Variants in NSL1 observed in about 807,000 individuals in gnomAD.
NSL1 encodes kinetochore-associated protein NSL1 homolog.
In NSL1, 11 loss-of-function variants were observed where a neutral mutation model predicts 25.4. The ratio of observed to expected loss-of-function variants is 0.43; its 90% CI spans 0.27 to 0.72. The LOEUF is 0.72. Among genes scored for constraint, NSL1 ranks in the 30% least tolerant of loss-of-function variants. The pLI is 0.19. For synonymous variants in NSL1, 118 were observed against 120.6 expected, an observed-to-expected ratio of 0.98 and a Z score of 0.14; for missense variants, 330 against 342.7, an observed-to-expected ratio of 0.96 and a Z score of 0.29.
chr1:212,781,853 T>C (rs900753280), intron 4 of NSL1: 2 of 194,208 alleles, frequency 1.0e-5, no homozygotes, highest in South Asian at 8.6e-5. Context: ...AATTTGTTTG[T>C]GTCAAGTTTA....
At chr1:212,758,789 T>C (rs561129319) in intron 4 of NSL1, among the ~76,000 whole-genome samples, 1 of 152,148 alleles carries the variant, frequency 6.6e-6, no homozygotes, top group Non-Finnish European at 1.5e-5. Flanking sequence ...ATCCCAAAAT[T>C]CATATGGAAT....
Position 212,729,626 on chromosome 1 carries a change from A to T in NSL1, c.*8782T>A. 1 of 985,446 alleles carries T rather than the reference A, an allele frequency of 1.0e-6. No homozygotes were observed. Among genetic ancestry groups the T allele is most frequent in the Non-Finnish European group, 1.2e-6 (1 of 829,926 alleles). The allele number at this position is 985,446 out of a possible 1,614,324, so 61.0% of individuals were successfully genotyped here. ...GGCAGGCACACAGGGCATAGACAGA[A>T]TATGACAAGTCAGAGAGAATTCGAA... is the stretch of plus-strand genomic sequence containing the variant. On this transcript the variant is annotated 3_prime_UTR_variant, in exon 6 of 6. Coordinates refer to ENST00000366977, the MANE Select transcript of NSL1 (RefSeq NM_015471.4).
At chr1:212,754,873 T>G (rs1659234280) in intron 4 of NSL1, among the ~76,000 whole-genome samples, 1 of 150,118 alleles carries the variant, frequency 6.7e-6, no homozygotes. Flanking sequence ...AAGCAGATAA[T>G]GCCTCCAAGC....
chr1:212,756,194 A>G (rs1215163064), intron 4 of NSL1, among the ~76,000 whole-genome samples: 1 of 152,146 alleles, frequency 6.6e-6, no homozygotes, highest in Admixed American at 6.5e-5. Flanking sequence ...ACCATAGCTC[A>G]CTGCAGCCTT....
In NSL1 at chr1:212,730,186, G is replaced by A; in HGVS notation, c.*8222C>T. 4 of 939,084 alleles carry A rather than the reference G, an allele frequency of 4.3e-6. No individual in the cohort carries two copies. Among genetic ancestry groups the A allele is most frequent in the Non-Finnish European group, 5.0e-6 (4 of 800,174 alleles). The allele number at this position is 939,084 out of a possible 1,614,324, so 58.2% of individuals were successfully genotyped here. ...AACCTCTTGAACCTGGGAGGTGGAGGTTGCAGTGAGTTGAGATCGCTCCAC... is the reference window on the plus strand; with the variant it reads ...AACCTCTTGAACCTGGGAGGTGGAGATTGCAGTGAGTTGAGATCGCTCCAC... On this transcript the variant is annotated 3_prime_UTR_variant, in exon 6 of 6. Transcript: ENST00000366977.
rs1466121103 is a variant in NSL1 at position 212,729,712 on chromosome 1, G to C, written c.*8696C>G. Reference sequence around the variant, plus strand: ...AGAAGGAAATGAAGCAAGATACCAAGGTCAAATCCTCCTCTCTTTTCCTTT... The same window carrying C: ...AGAAGGAAATGAAGCAAGATACCAACGTCAAATCCTCCTCTCTTTTCCTTT... On this transcript the variant is annotated 3_prime_UTR_variant, in exon 6 of 6. Coordinates refer to ENST00000366977, the MANE Select transcript of NSL1 (RefSeq NM_015471.4). The C allele has an allele frequency of 1.0e-6, 1 of 985,256 alleles. No homozygotes were observed. The highest frequency in any genetic ancestry group is 1.7e-5 in the African/African-American group (1 of 57,212). The allele number at this position is 985,256 out of a possible 1,614,324, so 61.0% of individuals were successfully genotyped here.
intron 2 of NSL1, 32 bp downstream of exon 2, chr1:212,787,527 G>C (rs1436278417): frequency 2.7e-6 from 4 of 1,507,300 alleles, no homozygotes; most frequent in Admixed American, 4.2e-5. Context: ...AAATAACCCA[G>C]AAATTAATAA....
rs1037815741 is a variant in NSL1 at position 212,737,298 on chromosome 1, G to A, written c.*1110C>T. On this transcript the variant is annotated 3_prime_UTR_variant, in exon 6 of 6. Transcript: ENST00000366977. ...TCTTCACTGAGACAGACCTTCTGGT[G>A]ACTTCTGGTGAATCTAGACATTTAT... The A allele has an allele frequency of 7.1e-6, 7 of 985,052 alleles. No individual in the cohort carries two copies. The Admixed American group carries it at 3.7e-4, about 52-fold the overall frequency. The allele number at this position is 985,052 out of a possible 1,614,324, so 61.0% of individuals were successfully genotyped here.
In NSL1 at chr1:212,739,542, C is replaced by T. The variant is rs1658401031; in HGVS notation, c.559G>A (p.Ala187Thr). ...GETVAKEISE[A>T]MKSLPALIEQ... ...TAGCACATAGCTTTTACCTTCATGGCTTCACTGATCTCCTTTGCTACTGTT... is the reference window on the plus strand; with the variant it reads ...TAGCACATAGCTTTTACCTTCATGGTTTCACTGATCTCCTTTGCTACTGTT... The change falls in exon 5 of 6, where the codon GCC becomes ACC. Residue 187 changes from alanine to threonine, a missense_variant. Coordinates refer to ENST00000366977, the MANE Select transcript of NSL1 (RefSeq NM_015471.4). The T allele has an allele frequency of 1.9e-6, 3 of 1,613,330 alleles. No individual in the cohort carries two copies. The highest frequency in any genetic ancestry group is 2.5e-6 in the Non-Finnish European group (3 of 1,179,694).
At position 212,730,530 on chromosome 1, in the gene NSL1, C is replaced by A. The variant is rs1318988869; in HGVS notation, c.*7878G>T. ...AGAAATGCCCAATCTTTTACACAGG[C>A]ACAGGAGTCAGCTGGAGCAGAAGAC... is the stretch of plus-strand genomic sequence containing the variant. On this transcript the variant is annotated 3_prime_UTR_variant, in exon 6 of 6. Coordinates refer to ENST00000366977, the MANE Select transcript of NSL1 (RefSeq NM_015471.4). 5.1e-6 allele frequency: 5 copies of A among 985,042 alleles called. No individual in the cohort carries two copies. In the African/African-American group the frequency reaches 5.2e-5, roughly 10 times the overall value. 61.0% of individuals were successfully genotyped at this position (985,042 alleles called of 1,614,324 possible).
At position 212,757,197 on chromosome 1, in the gene NSL1, G is replaced by C. The variant is rs74602161; in HGVS notation, c.500-17596C>G. Among the ~76,000 whole-genome samples the C allele has an allele frequency of 1.4e-3, 210 of 152,304 alleles. 3 individuals are homozygous for C. In the East Asian group the frequency reaches 0.037, roughly 27 times the overall value. ...AGAATATTAGTGTTAGTGGAGCACA[G>C]TAAGCGAGGGTGAGATGGTAAGTGA... is the stretch of plus-strand genomic sequence containing the variant. On this transcript the variant is annotated intron_variant, in intron 4 of 5. Transcript: ENST00000366977.
At chr1:212,741,310 T>C (rs1658492597) in intron 4 of NSL1, among the ~76,000 whole-genome samples, 1 of 152,236 alleles carries the variant, frequency 6.6e-6, no homozygotes, top group Non-Finnish European at 1.5e-5. Context: ...GTAGGAGCTA[T>C]CTGTTCAACG....
In NSL1 at chr1:212,736,334, C is replaced by G; in HGVS notation, c.*2074G>C. 1 of 985,178 alleles carries G rather than the reference C, an allele frequency of 1.0e-6. No individual in the cohort carries two copies. The highest frequency in any genetic ancestry group is 1.2e-6 in the Non-Finnish European group (1 of 829,694). The allele number at this position is 985,178 out of a possible 1,614,324, so 61.0% of individuals were successfully genotyped here. ...CCCACCGCGCCTGGCTATTTCTTTT[C>G]TGAAAGATAATTTTAAGACCCTATT... On this transcript the variant is annotated 3_prime_UTR_variant, in exon 6 of 6. Coordinates refer to ENST00000366977, the MANE Select transcript of NSL1 (RefSeq NM_015471.4).
chr1:212,742,955 G>A (rs1658570793), intron 4 of NSL1, among the ~76,000 whole-genome samples: 1 of 152,070 alleles, frequency 6.6e-6, no homozygotes, highest in South Asian at 2.1e-4. Flanking sequence ...TAGTCCTAAG[G>A]ACTCTCAAAC....
intron 4 of NSL1, among the ~76,000 whole-genome samples, chr1:212,749,918 A>G (rs950691002): frequency 6.7e-6 from 1 of 149,930 alleles, no homozygotes; most frequent in African/African-American, 2.5e-5. Context: ...TGCTGGACAT[A>G]TGAGACATCT....
chr1:212,744,733 G>C (rs1338287124), intron 4 of NSL1, among the ~76,000 whole-genome samples: 1 of 152,116 alleles, frequency 6.6e-6, no homozygotes, highest in Non-Finnish European at 1.5e-5. Flanking sequence ...AAACTCAGAG[G>C]GGAGACGGTG....
chr1:212,784,937 C>T (rs148436368), intron 2 of NSL1, among the ~76,000 whole-genome samples: 3 of 151,754 alleles, frequency 2.0e-5, no homozygotes, highest in East Asian at 3.9e-4. Flanking sequence ...AAAAGTGGTA[C>T]GGGAAAAAAG....
chr1:212,757,693 C>T (rs941882271), intron 4 of NSL1, among the ~76,000 whole-genome samples: 1 of 152,108 alleles, frequency 6.6e-6, no homozygotes, highest in Admixed American at 6.6e-5. Context: ...CTCATTACCA[C>T]AAGGAGGGCA....
At chr1:212,782,148 T>C in intron 4 of NSL1, 1 of 712,892 alleles carries the variant, frequency 1.4e-6, no homozygotes, top group Non-Finnish European at 2.6e-6. Context: ...GCAAGAACTT[T>C]ATAAAAGCTC....
Sources: allele counts gnomAD v4.1 joint callset (sites outside exome capture counted in the v4.1 genomes callset), GRCh38; gene constraint gnomAD v4.1.1; transcripts MANE v1.5; gene names NCBI Gene and HGNC (gene_info 2026-07-23, HGNC 2026-07-21).